The following LYPD6 variants were observed in gnomAD, a reference collection of about 807,000 sequenced individuals.
LYPD6 encodes ly6/PLAUR domain-containing protein 6.
LYPD6 carries 15 observed loss-of-function variants against 22.7 expected under a neutral mutation model. That is an observed-to-expected ratio of 0.66 (90% CI 0.44 to 1.02). The LOEUF (loss-of-function observed/expected upper bound fraction) is 1.02. Ranked by LOEUF, LYPD6 falls within the 50% of genes least tolerant of loss-of-function variation. LYPD6 has a pLI of 0.00. For missense variants in LYPD6, 189 were observed against 208.4 expected (o/e 0.91, Z 0.57); for synonymous variants, 72 against 77.5 (o/e 0.93, Z 0.37).
At chr2:149,412,376 G>A (rs1263251989) in intron 1 of LYPD6, among the ~76,000 whole-genome samples, 3 of 147,576 alleles carry the variant, frequency 2.0e-5, no homozygotes, top group Non-Finnish European at 4.5e-5. Context: ...TTTTTTTTGT[G>A]GACTGGTGTT....
At chr2:149,354,891 T>C (rs1395370387) in intron 1 of LYPD6, among the ~76,000 whole-genome samples, 3 of 152,194 alleles carry the variant, frequency 2.0e-5, no homozygotes, top group African/African-American at 7.2e-5. Context: ...TCACTCACAA[T>C]GTGCAGATTT....
intron 4 of LYPD6, among the ~76,000 whole-genome samples, chr2:149,470,285 C>G (rs960642525): frequency 6.6e-6 from 1 of 151,928 alleles, no homozygotes; most frequent in Non-Finnish European, 1.5e-5. Flanking sequence ...TTGACTCTCA[C>G]TTGAAAACTT....
intron 3 of LYPD6, among the ~76,000 whole-genome samples, chr2:149,463,061 C>CT (rs1681121837): frequency 1.3e-5 from 2 of 151,938 alleles, no homozygotes; most frequent in South Asian, 4.2e-4. Context: ...AAATTTAAAA[C>CT]TTTTTTACCC....
chr2:149,447,472 C>T (rs1683714278), intron 2 of LYPD6, among the ~76,000 whole-genome samples: 1 of 152,226 alleles, frequency 6.6e-6, no homozygotes, highest in Admixed American at 6.5e-5. Context: ...CTCATCCCCA[C>T]ATCCCCCCAG....
chr2:149,379,005 A>T (rs952536144), intron 1 of LYPD6, among the ~76,000 whole-genome samples: 9 of 152,272 alleles, frequency 5.9e-5, no homozygotes, highest in African/African-American at 2.2e-4. Flanking sequence ...ATTAGCAAAC[A>T]TTTTTTTCTG....
chr2:149,357,726 G>A (rs1002729900), intron 1 of LYPD6, among the ~76,000 whole-genome samples: 2 of 150,708 alleles, frequency 1.3e-5, no homozygotes, highest in African/African-American at 4.9e-5. Context: ...CATTTTGTGT[G>A]CCTGGTTCAT....
intron 1 of LYPD6, among the ~76,000 whole-genome samples, chr2:149,366,757 G>A (rs925678246): frequency 6.6e-6 from 1 of 152,140 alleles, no homozygotes; most frequent in African/African-American, 2.4e-5. Context: ...AAAAGTAAAT[G>A]AACCATGAAT....
chr2:149,450,612 C>A (rs539566562), intron 3 of LYPD6, among the ~76,000 whole-genome samples: 1 of 152,246 alleles, frequency 6.6e-6, no homozygotes, highest in East Asian at 1.9e-4. Context: ...TCTGAGTAAT[C>A]GAAAATAAGT....
intron 1 of LYPD6, among the ~76,000 whole-genome samples, chr2:149,426,231 A>G (rs966762682): frequency 1.3e-5 from 2 of 152,196 alleles, no homozygotes; most frequent in African/African-American, 4.8e-5. Flanking sequence ...ATTAGTAATT[A>G]CAGCTCTTTC....
intron 3 of LYPD6, among the ~76,000 whole-genome samples, chr2:149,456,318 A>G (rs1456571350): frequency 6.6e-6 from 1 of 152,174 alleles, no homozygotes; most frequent in African/African-American, 2.4e-5. Context: ...AGTAAATAGC[A>G]TGATGGACTT....
intron 1 of LYPD6, among the ~76,000 whole-genome samples, chr2:149,360,879 C>G (rs910728171): frequency 6.6e-6 from 1 of 152,048 alleles, no homozygotes; most frequent in Admixed American, 6.6e-5. Context: ...TCACACCAGC[C>G]CATTCAATGT....
intron 3 of LYPD6, among the ~76,000 whole-genome samples, chr2:149,451,761 G>A (rs1380868894): frequency 6.6e-6 from 1 of 152,084 alleles, no homozygotes; most frequent in East Asian, 1.9e-4. Flanking sequence ...TCAATTTAAA[G>A]GGATAAATAG....
intron 1 of LYPD6, among the ~76,000 whole-genome samples, chr2:149,411,711 C>G (rs1252499315): frequency 6.6e-6 from 1 of 152,040 alleles, no homozygotes; most frequent in Non-Finnish European, 1.5e-5. Flanking sequence ...CATGTATGCC[C>G]TTGAATACTT....
rs925366611 is a variant in LYPD6 at position 149,471,840 on chromosome 2, C to T, written c.*990C>T. The stretch of plus-strand genomic sequence containing the variant: ...CTGCAGTTCATACTGCCAAAGAGCT[C>T]CCACTTCCAAATCCCCAGTGACTTT... On this transcript the variant is annotated 3_prime_UTR_variant, in exon 5 of 5. Coordinates refer to ENST00000334166, the MANE Select transcript of LYPD6 (RefSeq NM_194317.5). 1.3e-5 allele frequency: 2 copies of T among 152,610 alleles called. No homozygotes were observed. Among genetic ancestry groups the T allele is most frequent in the African/African-American group, 4.8e-5 (2 of 41,438 alleles). 9.5% of individuals were successfully genotyped at this position (152,610 alleles called of 1,614,324 possible).
At chr2:149,449,690 C>G (rs1445785835) in intron 3 of LYPD6, among the ~76,000 whole-genome samples, 1 of 152,072 alleles carries the variant, frequency 6.6e-6, no homozygotes, top group African/African-American at 2.4e-5. Flanking sequence ...AGGCCCATTT[C>G]AAAATAAATA....
intron 2 of LYPD6, among the ~76,000 whole-genome samples, chr2:149,438,651 T>C (rs1683488980): frequency 6.6e-6 from 1 of 152,262 alleles, no homozygotes; most frequent in African/African-American, 2.4e-5. Context: ...AGGATTGTGA[T>C]AGGCTTGAAA....
At chr2:149,375,673 G>A (rs1038600746) in intron 1 of LYPD6, among the ~76,000 whole-genome samples, 38 of 152,130 alleles carry the variant, frequency 2.5e-4, no homozygotes, top group Admixed American at 2.1e-3. Context: ...CTGTTACCAT[G>A]ACATTTGAAA....
At chr2:149,429,102 A>G (rs11680806) in intron 1 of LYPD6, among the ~76,000 whole-genome samples, 44,334 of 151,696 alleles carry the variant, frequency 0.29, 8,401 homozygotes, top group African/African-American at 0.55. Flanking sequence ...AATACCTCCC[A>G]CATTCTCATA....
At chr2:149,382,358 G>A (rs149410303) in intron 1 of LYPD6, among the ~76,000 whole-genome samples, 1 of 152,104 alleles carries the variant, frequency 6.6e-6, no homozygotes, top group African/African-American at 2.4e-5. Context: ...TATCTCTCAT[G>A]TTCCCTTAGA....
Sources: gnomAD v4.1 joint callset for allele counts (sites outside exome capture counted in the v4.1 genomes callset) on GRCh38, gnomAD v4.1.1 for gene constraint, MANE v1.5 for transcripts, NCBI Gene and HGNC (gene_info 2026-07-23, HGNC 2026-07-21) for gene names.